Variants in POLR3E observed in about 807,000 individuals in gnomAD.
The protein encoded by POLR3E is RNA polymerase III subunit E, also known as DNA-directed RNA polymerase III subunit RPC5.
A neutral mutation model predicts 96.6 loss-of-function variants in POLR3E; 41 were observed. The ratio of observed to expected loss-of-function variants is 0.42; its 90% CI spans 0.33 to 0.55. POLR3E has a LOEUF of 0.55. Ranked by LOEUF, POLR3E falls within the 20% of genes least tolerant of loss-of-function variation. The probability of loss-of-function intolerance (pLI) is 0.06; values close to 1 mark genes in which losing one functional copy is unlikely to be tolerated. For missense variants in POLR3E, 849 were observed against 952.1 expected (o/e 0.89, Z 1.43); for synonymous variants, 396 against 383.6 (o/e 1.03, Z -0.38).
rs78362432 is a variant in POLR3E at position 22,334,134 on chromosome 16, A to C, written c.*434A>C. Reference sequence around the variant, plus strand: ...TTAATTTTTAAAATGCCTAGAAGACAATATTTAGTCTTGGATTATCTATCT... The same window carrying C: ...TTAATTTTTAAAATGCCTAGAAGACCATATTTAGTCTTGGATTATCTATCT... On this transcript the variant is annotated 3_prime_UTR_variant, in exon 21 of 21. Coordinates refer to ENST00000299853, the MANE Select transcript of POLR3E (RefSeq NM_018119.4). 0.012 allele frequency: 1,823 copies of C among 157,144 alleles called. 12 individuals carry two copies. The highest frequency in any genetic ancestry group is 0.017 in the Non-Finnish European group (1,217 of 71,368). The allele number at this position is 157,144 out of a possible 1,614,324, so 9.7% of individuals were successfully genotyped here. A position where few individuals can be genotyped will look rare whatever the true frequency, so the allele number is the denominator to read the frequency against.
chr16:22,333,223 TG>T (rs1379842086), intron 20 of POLR3E, among the ~76,000 whole-genome samples: 1 of 150,170 alleles, frequency 6.7e-6, no homozygotes, highest in African/African-American at 2.4e-5. Context: ...GAGGCTGAGG[TG>T]GGTGGGTCAC....
Position 22,334,354 on chromosome 16 carries a change from A to G in POLR3E, c.*654A>G, listed in dbSNP as rs2048808140. 1 of 152,232 alleles carries G rather than the reference A, an allele frequency of 6.6e-6. No individual in the cohort carries two copies. The highest frequency in any genetic ancestry group is 1.5e-5 in the Non-Finnish European group (1 of 68,044). 9.4% of individuals were successfully genotyped at this position (152,232 alleles called of 1,614,324 possible). ...AAGATGCAAACAAAACCAGGTAAGTATGGAACAATGTGTAAGTGAGGTTAT... is the reference window on the plus strand; with the variant it reads ...AAGATGCAAACAAAACCAGGTAAGTGTGGAACAATGTGTAAGTGAGGTTAT... On this transcript the variant is annotated 3_prime_UTR_variant, in exon 21 of 21. Transcript: ENST00000299853.
At chr16:22,330,042 T>C (rs2048702602) in intron 19 of POLR3E, among the ~76,000 whole-genome samples, 1 of 151,368 alleles carries the variant, frequency 6.6e-6, no homozygotes, top group Non-Finnish European at 1.5e-5. Context: ...ACTGTAGAGA[T>C]AGATATGTTA....
chr16:22,301,335 A>G (rs1333480263), intron 1 of POLR3E, among the ~76,000 whole-genome samples: 1 of 152,028 alleles, frequency 6.6e-6, no homozygotes, highest in East Asian at 1.9e-4. Context: ...TAATCCCAGC[A>G]CTTTGGGAGG....
rs1406747422 is a variant in POLR3E, at chr16:22,308,188, C to G, written c.128C>G (p.Pro43Arg). The G allele has an allele frequency of 6.2e-7, 1 of 1,613,620 alleles. No homozygotes were observed. The highest frequency in any genetic ancestry group is 8.5e-7 in the Non-Finnish European group (1 of 1,179,746). The part of the protein sequence containing the change: ...RPASMTYDDI[P>R]HLSAKIKPKQ... ...GCCTCGATGACCTACGATGACATTC[C>G]GCACCTCTCAGCCAAGATCAAGCCC... The change falls in exon 4 of 21, where the codon CCG (proline) becomes CGG (arginine). Residue 43 changes from proline to arginine, a missense_variant. By Grantham distance (103) the Pro-to-Arg change is moderately radical. Coordinates refer to ENST00000299853, the MANE Select transcript of POLR3E (RefSeq NM_018119.4).
At chr16:22,332,265 T>G (rs2048756846) in intron 20 of POLR3E, 80 bp downstream of exon 20, 2 of 1,322,124 alleles carry the variant, frequency 1.5e-6, no homozygotes, top group Non-Finnish European at 2.1e-6. Context: ...CTCTAGTGTC[T>G]TTGTGTATAT....
At chr16:22,316,774 C>A in intron 10 of POLR3E, 88 bp downstream of exon 10, 1 of 1,102,110 alleles carries the variant, frequency 9.1e-7, no homozygotes, top group Non-Finnish European at 1.4e-6. Context: ...AGGACTGTGG[C>A]CCCTCCTGTA....
intron 12 of POLR3E, 31 bp downstream of exon 12, chr16:22,317,237 C>A (rs1400658557): frequency 6.5e-7 from 1 of 1,537,100 alleles, no homozygotes; most frequent in East Asian, 2.2e-5. Context: ...CACCCGGGGG[C>A]CCCAGTCCCA....
chr16:22,298,057 C>T (rs532461333), intron 1 of POLR3E, among the ~76,000 whole-genome samples: 35 of 152,342 alleles, frequency 2.3e-4, no homozygotes, highest in African/African-American at 8.2e-4. Flanking sequence ...GCCAGGGATT[C>T]CTCATTCATT....
At chr16:22,300,279 A>T (rs2047995617) in intron 1 of POLR3E, among the ~76,000 whole-genome samples, 1 of 152,180 alleles carries the variant, frequency 6.6e-6, no homozygotes, top group Non-Finnish European at 1.5e-5. Context: ...TGGGTTATTT[A>T]TATGAGATGG....
intron 6 of POLR3E, among the ~76,000 whole-genome samples, chr16:22,310,622 T>TTAA (rs1555481363): frequency 7.3e-6 from 1 of 137,638 alleles, no homozygotes; most frequent in Non-Finnish European, 1.5e-5. Flanking sequence ...TTAAAAAGTT[T>TTAA]AAAAAAAAAA....
chr16:22,322,714 A>G lies in POLR3E; in HGVS notation c.987-136A>G, dbSNP rs8055191. On this transcript the variant is annotated intron_variant, in intron 13 of 20. Transcript: ENST00000299853. This position sits in a 1 kb window ranked among gnomAD's most constrained non-coding sequence, Gnocchi z 5.2. ...GTCTGTGTTCACAGATGTGGCTCCT[A>G]AGGGGAGGTCTTGGGGCTCAGGCCT... 63,656 of 613,618 alleles carry G rather than the reference A, an allele frequency of 0.1. 10,545 individuals are homozygous for G. Among genetic ancestry groups the G allele is most frequent in the African/African-American group, 0.56 (30,744 of 54,450 alleles). The allele number at this position is 613,618 out of a possible 1,614,324, so 38.0% of individuals were successfully genotyped here.
rs532710420 is a variant in POLR3E, at chr16:22,330,188, C to T, written c.1944+1601C>T. Reference sequence around the variant, plus strand: ...AAGCGATTCTTGTGCCTCAGCCACCCGGGTAGCTGGGATTACGGGCTTGTG... The same window carrying T: ...AAGCGATTCTTGTGCCTCAGCCACCTGGGTAGCTGGGATTACGGGCTTGTG... On this transcript the variant is annotated intron_variant, in intron 19 of 20. Coordinates refer to ENST00000299853, the MANE Select transcript of POLR3E (RefSeq NM_018119.4). Among the ~76,000 whole-genome samples the T allele has an allele frequency of 9.9e-5, 15 of 152,110 alleles. No homozygotes were observed. The South Asian group carries it at 1.9e-3, about 19-fold the overall frequency.
chr16:22,317,789 G>A (rs2048390883), intron 12 of POLR3E, among the ~76,000 whole-genome samples: 1 of 151,818 alleles, frequency 6.6e-6, no homozygotes, highest in Non-Finnish European at 1.5e-5. Flanking sequence ...ACAAGCAGAC[G>A]CCATTCACTG....
At position 22,333,710 on chromosome 16, in the gene POLR3E, C is replaced by T; in HGVS notation, c.*10C>T. The T allele has an allele frequency of 6.3e-7, 1 of 1,588,792 alleles. No individual in the cohort carries two copies. The highest frequency in any genetic ancestry group is 8.6e-7 in the Non-Finnish European group (1 of 1,156,856). Reference sequence around the variant, plus strand: ...GACAGTACAGTCTTGACAATAGTAGCAAACTACTAACCCAGCAAATCTAAG... The same window carrying T: ...GACAGTACAGTCTTGACAATAGTAGTAAACTACTAACCCAGCAAATCTAAG... On this transcript the variant is annotated 3_prime_UTR_variant, in exon 21 of 21. Coordinates refer to ENST00000299853, the MANE Select transcript of POLR3E (RefSeq NM_018119.4).
At chr16:22,321,984 C>T (rs943492559) in intron 13 of POLR3E, among the ~76,000 whole-genome samples, 2 of 152,204 alleles carry the variant, frequency 1.3e-5, no homozygotes, top group Non-Finnish European at 2.9e-5. Context: ...GACACTGCCC[C>T]TGGGGATGGC....
At chr16:22,298,638 G>T (rs950946517) in intron 1 of POLR3E, among the ~76,000 whole-genome samples, 1 of 152,258 alleles carries the variant, frequency 6.6e-6, no homozygotes, top group East Asian at 1.9e-4. Context: ...AGAAAACCGT[G>T]CAGTATAGTG....
chr16:22,330,205 G>A (rs182948519), intron 19 of POLR3E, among the ~76,000 whole-genome samples: 21 of 152,062 alleles, frequency 1.4e-4, no homozygotes, highest in Admixed American at 5.9e-4. Context: ...CTGGGATTAC[G>A]GGCTTGTGCT....
chr16:22,313,595 G>C lies in POLR3E; in HGVS notation c.365-25G>C, dbSNP rs1184564598. The C allele has an allele frequency of 6.5e-7, 1 of 1,548,692 alleles. No homozygotes were observed. Among genetic ancestry groups the C allele is most frequent in the East Asian group, 2.2e-5 (1 of 44,592 alleles). ...AAACTGGGTGGGTTTCTAGAGTTGA[G>C]TCCAAGCCCTTCTTCCTCCGCCAGG... On this transcript the variant is annotated intron_variant, in intron 6 of 20. Transcript: ENST00000299853. This position sits in a 1 kb window ranked among gnomAD's most constrained non-coding sequence, Gnocchi z 4.1.
Sources: gnomAD v4.1 joint callset for allele counts (sites outside exome capture counted in the v4.1 genomes callset) on GRCh38, gnomAD v4.1.1 for gene constraint, Gnocchi (gnomAD v3.1) non-coding constraint, MANE v1.5 for transcripts, NCBI Gene and HGNC (gene_info 2026-07-23, HGNC 2026-07-21) for gene names.